The following SAMD5 variants were observed in gnomAD, a reference collection of about 807,000 sequenced individuals.
SAMD5 encodes sterile alpha motif domain-containing protein 5.
SAMD5 carries 13 observed loss-of-function variants against 11.3 expected under a neutral mutation model. That is an observed-to-expected ratio of 1.15 (90% CI 0.75 to 1.83). The LOEUF is 1.83. SAMD5 is among the 40% of genes most tolerant of loss of function. The pLI, the probability that SAMD5 is intolerant of heterozygous loss-of-function variation, is 0.00. For synonymous variants in SAMD5, 129 were observed against 111.3 expected (o/e 1.16, Z -1.00); for missense variants, 255 against 239.1 (o/e 1.07, Z -0.44).
chr6:147,566,018 T>C lies in SAMD5; in HGVS notation c.*1562T>C, dbSNP rs1789034918. On this transcript the variant is annotated 3_prime_UTR_variant, in exon 2 of 2. Coordinates refer to ENST00000367474, the MANE Select transcript of SAMD5 (RefSeq NM_001030060.3). ...AGGAAAAGAAACTTACATTCACTTT[T>C]TCCTGGTCCATTTTGGTTCCTAAGA... The C allele has an allele frequency of 1.0e-6, 1 of 985,248 alleles. No homozygotes were observed. The highest frequency in any genetic ancestry group is 6.2e-5 in the Admixed American group (1 of 16,260). The allele number at this position is 985,248 out of a possible 1,614,324, so 61.0% of individuals were successfully genotyped here. A position where few individuals can be genotyped will look rare whatever the true frequency, so the allele number is the denominator to read the frequency against.
intron 1 of SAMD5, among the ~76,000 whole-genome samples, chr6:147,529,700 C>T (rs1358345035): frequency 2.0e-5 from 3 of 152,138 alleles, no homozygotes; most frequent in Non-Finnish European, 4.4e-5. Context: ...ATCTCCACCT[C>T]TAAGTAAAGC....
At chr6:147,812,977 G>A in the SAMD5 span, among the ~76,000 whole-genome samples, 1 of 152,138 alleles carries the variant, frequency 6.6e-6, no homozygotes, top group Non-Finnish European at 1.5e-5. Context: ...GTGACAGAAC[G>A]CAGATCCATT....
At chr6:147,516,524 G>A (rs1788173452) in intron 1 of SAMD5, among the ~76,000 whole-genome samples, 2 of 152,166 alleles carry the variant, frequency 1.3e-5, no homozygotes, top group Admixed American at 6.5e-5. Context: ...TTATTAGATC[G>A]ACGTCTCTAT....
chr6:147,561,328 C>T (rs1473646638), intron 1 of SAMD5, among the ~76,000 whole-genome samples: 4 of 152,148 alleles, frequency 2.6e-5, no homozygotes, highest in Non-Finnish European at 4.4e-5. Context: ...GCTGGGACTA[C>T]AGGCACGTGC....
At chr6:147,520,308 A>G (rs1363324342) in intron 1 of SAMD5, among the ~76,000 whole-genome samples, 1 of 151,938 alleles carries the variant, frequency 6.6e-6, no homozygotes, top group Non-Finnish European at 1.5e-5. Context: ...AGTAGAGATT[A>G]CTAAATTTCA....
At chr6:147,884,172 G>T in the SAMD5 span, among the ~76,000 whole-genome samples, 1 of 152,140 alleles carries the variant, frequency 6.6e-6, no homozygotes, top group African/African-American at 2.4e-5. Context: ...GGCTCTGGAA[G>T]AGTACAGACG....
At chr6:147,760,272 A>G in the SAMD5 span, among the ~76,000 whole-genome samples, 1 of 152,268 alleles carries the variant, frequency 6.6e-6, no homozygotes, top group Non-Finnish European at 1.5e-5. Context: ...GCAATGGACA[A>G]TTGAGGTATA....
intron 1 of SAMD5, among the ~76,000 whole-genome samples, chr6:147,675,014 C>A (rs1032640735): frequency 6.6e-6 from 1 of 152,184 alleles, no homozygotes; most frequent in African/African-American, 2.4e-5. Flanking sequence ...ATGCTGATCA[C>A]CTATTTGGCT....
chr6:147,875,411 A>G, the SAMD5 span, among the ~76,000 whole-genome samples: 1 of 151,978 alleles, frequency 6.6e-6, no homozygotes, highest in Non-Finnish European at 1.5e-5. Flanking sequence ...TTACACCCCC[A>G]CATGCCTCTA....
At chr6:147,678,179 A>C (rs761930099) in intron 1 of SAMD5, among the ~76,000 whole-genome samples, 1 of 152,190 alleles carries the variant, frequency 6.6e-6, no homozygotes, top group Non-Finnish European at 1.5e-5. Flanking sequence ...TCTCGTTTGC[A>C]CATTAAAGCA....
the SAMD5 span, among the ~76,000 whole-genome samples, chr6:147,918,171 G>T: frequency 6.6e-6 from 1 of 152,118 alleles, no homozygotes; most frequent in Non-Finnish European, 1.5e-5. Flanking sequence ...CCATTTTCAT[G>T]ATATTGATTC....
chr6:147,689,045 A>C (rs2128456886), intron 1 of SAMD5, among the ~76,000 whole-genome samples: 1 of 149,576 alleles, frequency 6.7e-6, no homozygotes, highest in Admixed American at 6.6e-5. Flanking sequence ...TCTTTGAAGT[A>C]GGCTCTTTTC....
At chr6:147,662,777 A>G (rs1337811750) in intron 1 of SAMD5, among the ~76,000 whole-genome samples, 3 of 152,114 alleles carry the variant, frequency 2.0e-5, no homozygotes, top group African/African-American at 7.2e-5. Flanking sequence ...CATGCACGTA[A>G]TCATTTCAAT....
the SAMD5 span, among the ~76,000 whole-genome samples, chr6:147,795,286 A>G: frequency 0.01 from 1,450 of 142,460 alleles, 35 homozygotes; most frequent in African/African-American, 0.037. Flanking sequence ...TCATTGTTCA[A>G]TTCCCACCTA....
the SAMD5 span, among the ~76,000 whole-genome samples, chr6:147,843,765 T>C: frequency 2.0e-5 from 3 of 152,192 alleles, no homozygotes; most frequent in Non-Finnish European, 4.4e-5. Flanking sequence ...CTTTAATAAA[T>C]AGTGTTGGGA....
At chr6:147,645,386 C>G (rs1467185286) in intron 1 of SAMD5, among the ~76,000 whole-genome samples, 1 of 152,176 alleles carries the variant, frequency 6.6e-6, no homozygotes, top group African/African-American at 2.4e-5. Context: ...AAGCTCATTT[C>G]TCTAAGCCCA....
chr6:147,633,730 G>A (rs1378386271), intron 1 of SAMD5, among the ~76,000 whole-genome samples: 1 of 146,862 alleles, frequency 6.8e-6, no homozygotes, highest in Admixed American at 6.9e-5. Context: ...AGCAAGCTAT[G>A]ATGCCTATTC....
intron 1 of SAMD5, among the ~76,000 whole-genome samples, chr6:147,597,268 T>G (rs1425340281): frequency 6.6e-6 from 1 of 152,200 alleles, no homozygotes; most frequent in East Asian, 1.9e-4. Flanking sequence ...ATCTATTAAT[T>G]AATCAGTGGC....
chr6:147,908,341 G>T, the SAMD5 span, among the ~76,000 whole-genome samples: 1 of 152,168 alleles, frequency 6.6e-6, no homozygotes, highest in Non-Finnish European at 1.5e-5. Flanking sequence ...GGAATGCAAA[G>T]ATGTTTGTGT....
Sources: gnomAD v4.1 joint callset for allele counts (sites outside exome capture counted in the v4.1 genomes callset) on GRCh38, gnomAD v4.1.1 for gene constraint, MANE v1.5 for transcripts, NCBI Gene and HGNC (gene_info 2026-07-23, HGNC 2026-07-21) for gene names.